CFAP299: variants seen among roughly 807,000 people sequenced by gnomAD.
CFAP299 encodes cilia- and flagella-associated protein 299.
In CFAP299, 21 loss-of-function variants were observed where a neutral mutation model predicts 27.0. That is an observed-to-expected ratio of 0.78 (90% CI 0.55 to 1.12). The LOEUF is 1.12. CFAP299 is among the 50% of genes most tolerant of loss of function. The pLI is 0.00. For synonymous variants in CFAP299, 104 were observed against 98.1 expected, an observed-to-expected ratio of 1.06 and a Z score of -0.36; for missense variants, 310 against 276.6, an observed-to-expected ratio of 1.12 and a Z score of -0.86.
intron 2 of CFAP299, among the ~76,000 whole-genome samples, chr4:80,478,562 T>A (rs1320062779): frequency 6.6e-6 from 1 of 151,900 alleles, no homozygotes; most frequent in Non-Finnish European, 1.5e-5. Flanking sequence ...AAAGAAAAAA[T>A]TACAGAAAAT....
intron 2 of CFAP299, among the ~76,000 whole-genome samples, chr4:80,559,287 G>GGGAA (rs548101025): frequency 6.6e-6 from 1 of 152,112 alleles, no homozygotes; most frequent in South Asian, 2.1e-4. Flanking sequence ...TGCAAAAGTG[G>GGGAA]AAGCTTTGAG....
intron 2 of CFAP299, among the ~76,000 whole-genome samples, chr4:80,577,097 A>C (rs1735907800): frequency 6.6e-6 from 1 of 152,130 alleles, no homozygotes; most frequent in Non-Finnish European, 1.5e-5. Context: ...CACAATGTAA[A>C]AATATTATGA....
intron 2 of CFAP299, among the ~76,000 whole-genome samples, chr4:80,458,105 G>GA (rs1435088685): frequency 6.7e-6 from 1 of 150,204 alleles, no homozygotes; most frequent in African/African-American, 2.5e-5. Flanking sequence ...TTATACTCCA[G>GA]AAAAAAAAGA....
chr4:80,331,991 G>A (rs911995650), upstream of CFAP299, among the ~76,000 whole-genome samples: 13 of 152,098 alleles, frequency 8.5e-5, no homozygotes, highest in African/African-American at 3.1e-4. Flanking sequence ...AACAGCTAAT[G>A]GAAAACCAAC....
intron 2 of CFAP299, among the ~76,000 whole-genome samples, chr4:80,561,348 A>G (rs1735027533): frequency 6.6e-6 from 1 of 152,154 alleles, no homozygotes; most frequent in Non-Finnish European, 1.5e-5. Context: ...AATGATAGCT[A>G]CAAATCAGCC....
chr4:80,864,518 ACG>A (rs1491517219), intron 3 of CFAP299, among the ~76,000 whole-genome samples: 1 of 147,506 alleles, frequency 6.8e-6, no homozygotes, highest in African/African-American at 2.5e-5. Context: ...ACCTATATAT[ACG>A]TATATATACA....
intron 3 of CFAP299, among the ~76,000 whole-genome samples, chr4:80,765,710 T>G (rs1725825157): frequency 6.6e-6 from 1 of 151,992 alleles, no homozygotes; most frequent in East Asian, 1.9e-4. Context: ...AAACAAAAAC[T>G]AAATGAATTT....
In CFAP299 at chr4:80,386,978, C is replaced by T. The variant is rs1189002717; in HGVS notation, c.242+24094C>T. 7 of 1,028,086 alleles carry T rather than the reference C, an allele frequency of 6.8e-6. No homozygotes were observed. In the African/African-American group the frequency reaches 7.8e-5, roughly 12 times the overall value. 63.7% of individuals were successfully genotyped at this position (1,028,086 alleles called of 1,614,324 possible). The stretch of plus-strand genomic sequence containing the variant: ...GGGAGGACTTCTTGCACACCTGGCC[C>T]TTGAACCTGCCCCCACTGCGGTGGG... On this transcript the variant is annotated intron_variant, in intron 2 of 5. Transcript: ENST00000358105.
chr4:80,672,543 CTT>C (rs1409310109), intron 3 of CFAP299, among the ~76,000 whole-genome samples: 1 of 152,166 alleles, frequency 6.6e-6, no homozygotes, highest in African/African-American at 2.4e-5. Context: ...AGGATTCCCT[CTT>C]TTTCTATTGG....
At chr4:80,924,697 G>A (rs1197169729) in intron 4 of CFAP299, among the ~76,000 whole-genome samples, 1 of 151,170 alleles carries the variant, frequency 6.6e-6, no homozygotes, top group East Asian at 1.9e-4. Context: ...TGTATAACTT[G>A]TATTTTCACA....
intron 2 of CFAP299, among the ~76,000 whole-genome samples, chr4:80,407,174 A>C (rs1003408810): frequency 2.6e-5 from 4 of 152,174 alleles, no homozygotes; most frequent in South Asian, 2.1e-4. Flanking sequence ...TAAAAAAAAA[A>C]CAGTAGAATA....
At chr4:80,476,359 C>T (rs11732907) in intron 2 of CFAP299, among the ~76,000 whole-genome samples, 9,833 of 152,226 alleles carry the variant, frequency 0.065, 425 homozygotes, top group Non-Finnish European at 0.097. Flanking sequence ...GAGTAACTCA[C>T]TGGATGGCTA....
intron 1 of CFAP299, among the ~76,000 whole-genome samples, chr4:80,361,044 T>A (rs183063436): frequency 6.6e-6 from 1 of 152,232 alleles, no homozygotes; most frequent in African/African-American, 2.4e-5. Flanking sequence ...TTAACTAGGA[T>A]ATTTCAAGAC....
intron 2 of CFAP299, among the ~76,000 whole-genome samples, chr4:80,452,455 C>G (rs1376026146): frequency 1.3e-5 from 2 of 152,092 alleles, no homozygotes; most frequent in Non-Finnish European, 2.9e-5. Context: ...ATTTATTGCT[C>G]TCTTAGGTTT....
intron 3 of CFAP299, among the ~76,000 whole-genome samples, chr4:80,639,138 G>A (rs1044860982): frequency 8.0e-4 from 122 of 152,240 alleles, no homozygotes; most frequent in African/African-American, 2.8e-3. Context: ...AGGAGTTAGG[G>A]CTGCAACACA....
chr4:80,631,731 A>G (rs761037322), intron 3 of CFAP299, among the ~76,000 whole-genome samples: 3 of 151,438 alleles, frequency 2.0e-5, no homozygotes, highest in Non-Finnish European at 4.4e-5. Context: ...AATCTATGTC[A>G]TCATGTTTTG....
At chr4:80,557,338 C>A (rs1734828081) in intron 2 of CFAP299, among the ~76,000 whole-genome samples, 1 of 152,066 alleles carries the variant, frequency 6.6e-6, no homozygotes, top group Admixed American at 6.6e-5. Context: ...ATCACCTTCT[C>A]CTGAGTGTGT....
chr4:80,640,212 A>G (rs1440367776), intron 3 of CFAP299, among the ~76,000 whole-genome samples: 1 of 152,188 alleles, frequency 6.6e-6, no homozygotes, highest in African/African-American at 2.4e-5. Flanking sequence ...AGTTATGGCT[A>G]TGAAGCCGGC....
chr4:80,325,110 G>A, the CFAP299 span, among the ~76,000 whole-genome samples: 3 of 152,206 alleles, frequency 2.0e-5, no homozygotes, highest in Non-Finnish European at 4.4e-5. Flanking sequence ...GTGACAGAGC[G>A]AGACTCCGTC....
Sources: allele counts gnomAD v4.1 joint callset (sites outside exome capture counted in the v4.1 genomes callset), GRCh38; gene constraint gnomAD v4.1.1; transcripts MANE v1.5; gene names NCBI Gene and HGNC (gene_info 2026-07-23, HGNC 2026-07-21).